Variants in LCOR observed in about 807,000 individuals in gnomAD.
LCOR encodes the protein ligand dependent nuclear receptor corepressor.
In LCOR, 14 loss-of-function variants were observed where a neutral mutation model predicts 64.4. The observed-to-expected ratio is 0.22, with a 90% CI of 0.14 to 0.34. The LOEUF (loss-of-function observed/expected upper bound fraction) is 0.34, where lower values mean the gene tolerates loss of function less well. Ranked by LOEUF, LCOR falls within the 10% of genes least tolerant of loss-of-function variation. The pLI is 1.00. For missense variants in LCOR, 1,686 were observed against 1,765.3 expected (o/e 0.96, Z 0.80); for synonymous variants, 643 against 642.5 (o/e 1.00, Z -0.01).
Position 96,981,199 on chromosome 10 carries a change from T to G in LCOR, c.739T>G (p.Ser247Ala), listed in dbSNP as rs1276477698. ...TGCCTTGACTGTTGTCCAGAAAGAT[T>G]CCTCTGAACTTCCAACCACTAAATC... Reference protein sequence around the residue: ...ENALTVVQKDSSELPTTKSNS... With the variant: ...ENALTVVQKDASELPTTKSNS... Residue 247 changes from serine to alanine, a missense_variant, in exon 8 of 8, where the codon TCC becomes GCC. This residue lies in a region of LCOR where 313 missense variants were observed against 247.2 expected (regional missense o/e 1.27). Transcript: ENST00000421806. 4.0e-6 allele frequency: 3 copies of G among 744,944 alleles called. No individual in the cohort carries two copies. In the African/African-American group the frequency reaches 5.2e-5, roughly 13 times the overall value. The allele number at this position is 744,944 out of a possible 1,614,324, so 46.1% of individuals were successfully genotyped here.
chr10:96,859,677 C>A (rs1183127659), intron 2 of LCOR, among the ~76,000 whole-genome samples: 1 of 152,090 alleles, frequency 6.6e-6, no homozygotes, highest in African/African-American at 2.4e-5. Context: ...CGTGCCTCAG[C>A]CTCTTGAGTA....
intron 2 of LCOR, among the ~76,000 whole-genome samples, chr10:96,886,066 C>T (rs1342095032): frequency 2.6e-5 from 4 of 152,094 alleles, no homozygotes; most frequent in Admixed American, 6.6e-5. Context: ...CTAGTAGAGA[C>T]GAGGTTTCAC....
Position 96,910,544 on chromosome 10 carries a change from A to G in LCOR, c.-184+2797A>G, listed in dbSNP as rs371579029. ...GGAACTCTTTGCAGTCACTTGGAGC[A>G]TCTTGTCCGAGAAGGACTAGAGTCT... On this transcript the variant is annotated intron_variant, in intron 4 of 7. Transcript: ENST00000421806. 1.1e-4 allele frequency among the ~76,000 whole-genome samples: 17 copies of G among 152,356 alleles called. No homozygotes were observed. The East Asian group carries it at 2.9e-3, about 26-fold the overall frequency.
intron 2 of LCOR, among the ~76,000 whole-genome samples, chr10:96,886,007 A>C (rs958018365): frequency 6.6e-6 from 1 of 152,272 alleles, no homozygotes; most frequent in South Asian, 2.1e-4. Context: ...CCTCCCGAGT[A>C]GCTGGGACTA....
At chr10:96,928,140 A>G (rs1018789233) in intron 4 of LCOR, among the ~76,000 whole-genome samples, 2 of 152,158 alleles carry the variant, frequency 1.3e-5, no homozygotes, top group Non-Finnish European at 2.9e-5. Context: ...AAAGAAGACA[A>G]CAATGAAGTT....
At chr10:96,952,022 T>A in intron 6 of LCOR, 81 bp from the exon 7 acceptor site, 1 of 947,930 alleles carries the variant, frequency 1.1e-6, no homozygotes. Flanking sequence ...CCTGCTTAAC[T>A]GCTTTTTCAT....
Position 96,986,434 on chromosome 10 carries a change from G to C in LCOR, c.*1300G>C, listed in dbSNP as rs185600570. The stretch of plus-strand genomic sequence containing the variant: ...CTACACCCAGAGCTGATGTTCAGCT[G>C]TATGCTCCAATGTGAATGTACTTGT... On this transcript the variant is annotated 3_prime_UTR_variant, in exon 8 of 8. Coordinates refer to ENST00000421806, the MANE Select transcript of LCOR (RefSeq NM_001346516.2). 3.9e-5 allele frequency: 6 copies of C among 152,444 alleles called. No individual in the cohort carries two copies. In the East Asian group the frequency reaches 1.2e-3, roughly 29 times the overall value. The allele number at this position is 152,444 out of a possible 1,614,324, so 9.4% of individuals were successfully genotyped here.
chr10:96,839,923 C>T (rs544547404), intron 2 of LCOR, among the ~76,000 whole-genome samples: 4 of 152,136 alleles, frequency 2.6e-5, no homozygotes, highest in Non-Finnish European at 4.4e-5. Flanking sequence ...CCTGACGTTC[C>T]GCCTCTCTTG....
At chr10:96,974,553 C>T (rs925111926) in intron 7 of LCOR, among the ~76,000 whole-genome samples, 1 of 152,120 alleles carries the variant, frequency 6.6e-6, no homozygotes, top group Non-Finnish European at 1.5e-5. Context: ...TAATCTGCAC[C>T]GAACTAAAAC....
rs140730070 is a variant in LCOR at position 96,937,010 on chromosome 10, G to C, written c.-183-7103G>C. 5.8e-4 allele frequency among the ~76,000 whole-genome samples: 88 copies of C among 152,272 alleles called. No individual in the cohort carries two copies. In the East Asian group the frequency reaches 0.014, roughly 25 times the overall value. On this transcript the variant is annotated intron_variant, in intron 4 of 7. Transcript: ENST00000421806. ...TTATTGTACTATACCATGGGTAACT[G>C]TGGAAAGCAAAACTGCAGATAAGAG...
At chr10:96,922,923 CTT>C (rs1308639711) in intron 4 of LCOR, among the ~76,000 whole-genome samples, 1 of 152,094 alleles carries the variant, frequency 6.6e-6, no homozygotes, top group Non-Finnish European at 1.5e-5. Context: ...TAGTGTCAAA[CTT>C]TTTGGTTTTC....
At chr10:96,951,964 ATT>A in intron 6 of LCOR, 137 bp from the exon 7 acceptor site, 1 of 593,218 alleles carries the variant, frequency 1.7e-6, no homozygotes, top group Non-Finnish European at 3.0e-6. Context: ...GATTTAATTG[ATT>A]TTATAACTCA....
chr10:96,837,981 A>G (rs561648564), intron 2 of LCOR, among the ~76,000 whole-genome samples: 2 of 152,238 alleles, frequency 1.3e-5, no homozygotes, highest in Non-Finnish European at 2.9e-5. Context: ...ATAGTTTCAA[A>G]TGAAAAACTC....
intron 2 of LCOR, among the ~76,000 whole-genome samples, chr10:96,843,690 A>G (rs995615650): frequency 3.3e-5 from 5 of 152,344 alleles, no homozygotes; most frequent in South Asian, 2.1e-4. Flanking sequence ...ACTAATGGCT[A>G]TTCTTGTTTC....
chr10:96,914,378 G>A (rs1384118844), intron 4 of LCOR, among the ~76,000 whole-genome samples: 1 of 152,108 alleles, frequency 6.6e-6, no homozygotes, highest in Admixed American at 6.5e-5. Context: ...GGTATTTTTA[G>A]TAGAGATGGG....
At chr10:96,958,372 A>G (rs764188983) in intron 7 of LCOR, 1 of 1,531,570 alleles carries the variant, frequency 6.5e-7, no homozygotes, top group Non-Finnish European at 8.8e-7. Flanking sequence ...ACATGGAGTG[A>G]TCATTTTACT....
intron 2 of LCOR, among the ~76,000 whole-genome samples, chr10:96,839,833 G>C (rs2134362593): frequency 6.6e-6 from 1 of 152,110 alleles, no homozygotes; most frequent in South Asian, 2.1e-4. Context: ...TTACAGGCGG[G>C]TGGCACCATA....
chr10:96,907,385 T>C (rs937617388), intron 3 of LCOR, 55 bp downstream of exon 3: 17 of 600,910 alleles, frequency 2.8e-5, no homozygotes, highest in Non-Finnish European at 3.3e-5. Flanking sequence ...ACATGATACG[T>C]TGGTGTTTTA....
chr10:96,902,237 C>T (rs1196685553), intron 2 of LCOR, among the ~76,000 whole-genome samples: 1 of 151,948 alleles, frequency 6.6e-6, no homozygotes, highest in Non-Finnish European at 1.5e-5. Flanking sequence ...CATTTTGGGC[C>T]ATTAGTCGTG....
Sources: gnomAD v4.1 joint callset for allele counts (sites outside exome capture counted in the v4.1 genomes callset) on GRCh38, gnomAD v4.1.1 for gene constraint, gnomAD v4.1.1 regional missense constraint, MANE v1.5 for transcripts, NCBI Gene and HGNC (gene_info 2026-07-23, HGNC 2026-07-21) for gene names.